CFDP1: variants seen among roughly 807,000 people sequenced by gnomAD.
CFDP1 encodes heterochromatin-stabilizing protein CFDP1.
In CFDP1, 31 loss-of-function variants were observed where a neutral mutation model predicts 40.1. The ratio of observed to expected loss-of-function variants is 0.77; its 90% CI spans 0.58 to 1.04. The LOEUF is 1.04. CFDP1 is among the 50% of genes least tolerant of loss of function. CFDP1 has a pLI of 0.00. For missense variants in CFDP1, 423 were observed against 343.4 expected (o/e 1.23, Z -1.83); for synonymous variants, 167 against 120.0 (o/e 1.39, Z -2.56).
At chr16:75,335,146 G>A (rs1189032703) in intron 5 of CFDP1, among the ~76,000 whole-genome samples, 2 of 152,072 alleles carry the variant, frequency 1.3e-5, no homozygotes, top group African/African-American at 4.8e-5. Context: ...ATTTCAGGCT[G>A]GTCTTACCAG....
chr16:75,311,952 C>A (rs1191548685), intron 5 of CFDP1, among the ~76,000 whole-genome samples: 1 of 151,820 alleles, frequency 6.6e-6, no homozygotes, highest in Non-Finnish European at 1.5e-5. Flanking sequence ...TCCAGAGCCA[C>A]GGAAGGTCTG....
intron 1 of CFDP1, among the ~76,000 whole-genome samples, chr16:75,428,127 A>G (rs1226207683): frequency 1.6e-5 from 2 of 126,222 alleles, no homozygotes; most frequent in African/African-American, 5.3e-5. Context: ...AGCAGGGGAA[A>G]TTTGTTTTTT....
chr16:75,334,911 T>C (rs2078475194), intron 5 of CFDP1, among the ~76,000 whole-genome samples: 1 of 150,968 alleles, frequency 6.6e-6, no homozygotes. Context: ...GCTGAGATCA[T>C]GCCACTGCAT....
At position 75,396,613 on chromosome 16, in the gene CFDP1, C is replaced by G. The variant is rs1051474465; in HGVS notation, c.531-1404G>C. 2.9e-5 allele frequency among the ~76,000 whole-genome samples: 3 copies of G among 104,052 alleles called. 1 individual carries two copies. The highest frequency in any genetic ancestry group is 4.6e-5 in the Non-Finnish European group (2 of 43,374). 68.3% of individuals were successfully genotyped at this position (104,052 alleles called of 152,430 possible). A position where few individuals can be genotyped will look rare whatever the true frequency, so the allele number is the denominator to read the frequency against. On this transcript the variant is annotated intron_variant, in intron 4 of 6. Coordinates refer to ENST00000283882, the MANE Select transcript of CFDP1 (RefSeq NM_006324.3). Reference sequence around the variant, plus strand: ...TATCCAAAACAACCCAAAGATGAAACAAAAACTGGCTAAATTAGCAATAAT... The same window carrying G: ...TATCCAAAACAACCCAAAGATGAAAGAAAAACTGGCTAAATTAGCAATAAT...
chr16:75,304,942 CA>C (rs1159100349), intron 6 of CFDP1, 81 bp downstream of exon 6: 1 of 1,406,288 alleles, frequency 7.1e-7, no homozygotes, highest in Non-Finnish European at 9.8e-7. Context: ...TGCTTGCTTA[CA>C]GTGGGCAGTT....
At chr16:75,412,849 A>G (rs2151586757) in intron 2 of CFDP1, 95 bp from the exon 3 acceptor site, 1 of 958,770 alleles carries the variant, frequency 1.0e-6, no homozygotes, top group East Asian at 2.4e-5. Context: ...TAAACCCAAG[A>G]ACACTTTAAA....
At chr16:75,351,265 T>C (rs2078608489) in intron 5 of CFDP1, among the ~76,000 whole-genome samples, 1 of 152,210 alleles carries the variant, frequency 6.6e-6, no homozygotes, top group African/African-American at 2.4e-5. Flanking sequence ...TTATTTACTC[T>C]ATGTATTGAT....
At chr16:75,312,502 C>T (rs955761428) in intron 5 of CFDP1, among the ~76,000 whole-genome samples, 3 of 152,098 alleles carry the variant, frequency 2.0e-5, no homozygotes, top group African/African-American at 7.2e-5. Context: ...ATGATTTATT[C>T]CTCAGTTCTA....
At chr16:75,407,627 C>T (rs2079112755) in intron 4 of CFDP1, among the ~76,000 whole-genome samples, 2 of 129,464 alleles carry the variant, frequency 1.5e-5, no homozygotes, top group South Asian at 2.4e-4. Flanking sequence ...TTGAGGCTAG[C>T]GTGAATGACA....
intron 5 of CFDP1, among the ~76,000 whole-genome samples, chr16:75,366,569 G>A (rs1263470130): frequency 6.6e-6 from 1 of 152,132 alleles, no homozygotes; most frequent in Non-Finnish European, 1.5e-5. Context: ...GTTGCAGTGA[G>A]CCGAGATCGT....
chr16:75,382,839 T>C (rs925153574), intron 5 of CFDP1, among the ~76,000 whole-genome samples: 2 of 151,656 alleles, frequency 1.3e-5, no homozygotes, highest in Non-Finnish European at 1.5e-5. Flanking sequence ...AAAACTCTTC[T>C]CCTTTTGTTT....
chr16:75,394,983 ATT>A, intron 5 of CFDP1, 105 bp downstream of exon 5: 1 of 1,357,088 alleles, frequency 7.4e-7, no homozygotes. Flanking sequence ...CAGCATCATA[ATT>A]CTCTCTCTCA....
intron 5 of CFDP1, among the ~76,000 whole-genome samples, chr16:75,351,422 TGGAA>T (rs2078609773): frequency 6.6e-6 from 1 of 152,204 alleles, no homozygotes; most frequent in African/African-American, 2.4e-5. Flanking sequence ...TAAAGGGGCC[TGGAA>T]TGTTTTGTTA....
intron 5 of CFDP1, among the ~76,000 whole-genome samples, chr16:75,375,723 G>A (rs934933367): frequency 6.6e-6 from 1 of 151,632 alleles, no homozygotes; most frequent in Non-Finnish European, 1.5e-5. Flanking sequence ...CCCCAGAGGT[G>A]GAGGTTGCAG....
chr16:75,316,861 C>A (rs541782737), intron 5 of CFDP1, among the ~76,000 whole-genome samples: 1 of 151,890 alleles, frequency 6.6e-6, no homozygotes, highest in African/African-American at 2.4e-5. Context: ...CCCAGCTACT[C>A]GGGAGGCTAC....
chr16:75,312,879 A>G (rs1435095450), intron 5 of CFDP1, among the ~76,000 whole-genome samples: 1 of 152,220 alleles, frequency 6.6e-6, no homozygotes, highest in Non-Finnish European at 1.5e-5. Flanking sequence ...CTAAATGCAC[A>G]GACTCCTGGT....
intron 1 of CFDP1, among the ~76,000 whole-genome samples, chr16:75,418,579 G>T (rs551457152): frequency 1.3e-5 from 2 of 152,144 alleles, no homozygotes; most frequent in East Asian, 3.9e-4. Context: ...AAAGTGCTGG[G>T]ATTACAGGCG....
chr16:75,394,163 T>C (rs952720022), intron 5 of CFDP1, among the ~76,000 whole-genome samples: 2 of 152,208 alleles, frequency 1.3e-5, no homozygotes, highest in Non-Finnish European at 2.9e-5. Flanking sequence ...GAAGCCACTG[T>C]AGGAGACTAT....
intron 5 of CFDP1, among the ~76,000 whole-genome samples, chr16:75,320,849 T>A (rs2078358101): frequency 6.6e-6 from 1 of 152,080 alleles, no homozygotes; most frequent in Non-Finnish European, 1.5e-5. Context: ...ATGACCTGAG[T>A]CACACCAAGG....
Sources: gnomAD v4.1 joint callset for allele counts (sites outside exome capture counted in the v4.1 genomes callset) on GRCh38, gnomAD v4.1.1 for gene constraint, MANE v1.5 for transcripts, NCBI Gene and HGNC (gene_info 2026-07-23, HGNC 2026-07-21) for gene names.